The following GRPR variants were observed in gnomAD, a reference collection of about 807,000 sequenced individuals.
GRPR encodes gastrin-releasing peptide receptor.
In GRPR, 4 loss-of-function variants were observed where a neutral mutation model predicts 15.6. The observed-to-expected ratio is 0.26, with a 90% CI of 0.13 to 0.59. The LOEUF (loss-of-function observed/expected upper bound fraction) is 0.59. Among genes scored for constraint, GRPR ranks in the 20% least tolerant of loss-of-function variants. The probability of loss-of-function intolerance (pLI) is 0.90; values close to 1 mark genes in which losing one functional copy is unlikely to be tolerated. For missense variants in GRPR, 270 were observed against 304.1 expected, an observed-to-expected ratio of 0.89 and a Z score of 0.83; for synonymous variants, 128 against 126.8, an observed-to-expected ratio of 1.01 and a Z score of -0.06.
chrX:16,137,084 C>T, intron 1 of GRPR, among the ~76,000 whole-genome samples: 1 of 110,992 alleles, frequency 9.0e-6, no homozygotes, highest in Non-Finnish European at 1.9e-5. Flanking sequence ...GACCCCTTTC[C>T]AGTTAGCCAG....
intron 1 of GRPR, among the ~76,000 whole-genome samples, chrX:16,129,861 A>G (rs1304388343): frequency 2.7e-5 from 3 of 110,947 alleles, no homozygotes; most frequent in Non-Finnish European, 5.7e-5. Flanking sequence ...TCTCTCTTTT[A>G]TATCCCCCTG....
intron 1 of GRPR, among the ~76,000 whole-genome samples, chrX:16,132,682 T>C (rs1411821263): frequency 2.7e-5 from 3 of 111,453 alleles, no homozygotes; most frequent in African/African-American, 9.8e-5. Context: ...AGAAAAACTT[T>C]CTTTCAACTT....
intron 1 of GRPR, among the ~76,000 whole-genome samples, chrX:16,138,101 A>C: frequency 8.9e-6 from 1 of 111,741 alleles, no homozygotes; most frequent in Admixed American, 9.5e-5. Context: ...TATGCTTTGG[A>C]TTTGGATTTG....
chrX:16,141,370 G>A (rs1922528888), intron 1 of GRPR, among the ~76,000 whole-genome samples: 1 of 111,936 alleles, frequency 8.9e-6, no homozygotes, highest in African/African-American at 3.2e-5. Flanking sequence ...TTATCCCTAA[G>A]CTTCTACATC....
rs1222866298 is a variant in GRPR, at chrX:16,123,859, G to A, written c.-95G>A. 1.5e-5 allele frequency: 10 copies of A among 680,822 alleles called. No homozygotes were observed. Among genetic ancestry groups the A allele is most frequent in the South Asian group, 8.8e-5 (4 of 45,266 alleles). The allele number at this position is 680,822 out of a possible 1,213,427, so 56.1% of individuals were successfully genotyped here. On this transcript the variant is annotated 5_prime_UTR_variant, in exon 1 of 3. Coordinates refer to ENST00000380289, the MANE Select transcript of GRPR (RefSeq NM_005314.3). Reference sequence around the variant, plus strand: ...TTTTATTAAAGAAGGCAAAGAGCCCGGCATAGATCTTATCTTCATCTTCAC... The same window carrying A: ...TTTTATTAAAGAAGGCAAAGAGCCCAGCATAGATCTTATCTTCATCTTCAC...
Position 16,152,746 on chromosome X carries a change from G to C in GRPR, c.*101G>C, listed in dbSNP as rs1244393762. Reference sequence around the variant, plus strand: ...GTCTGTGCCCTCCAAAGAGCCTTCAGAATGCTCCTGAGTGGTGTAGGTGGG... The same window carrying C: ...GTCTGTGCCCTCCAAAGAGCCTTCACAATGCTCCTGAGTGGTGTAGGTGGG... On this transcript the variant is annotated 3_prime_UTR_variant, in exon 3 of 3. Transcript: ENST00000380289. The C allele has an allele frequency of 8.6e-6, 6 of 698,821 alleles. No homozygotes were observed. Among genetic ancestry groups the C allele is most frequent in the Admixed American group, 4.5e-5 (2 of 44,369 alleles). 57.6% of individuals were successfully genotyped at this position (698,821 alleles called of 1,213,427 possible).
Position 16,124,261 on chromosome X carries a change from C to A in GRPR, c.308C>A (p.Ala103Asp). The change falls in exon 1 of 3, where the codon GCT becomes GAT. Residue 103 changes from alanine to aspartate, a missense_variant. Around this residue, in one of 3 missense-constraint regions of GRPR, gnomAD observed 115 missense variants for 128.8 expected, o/e 0.89. Coordinates refer to ENST00000380289, the MANE Select transcript of GRPR (RefSeq NM_005314.3). ...CAPVDASRYL[A>D]DRWLFGRIGC... ...CCAGTGGATGCCAGCAGGTACCTGG[C>A]TGACAGATGGCTATTTGGCAGGATT... The A allele has an allele frequency of 8.3e-7, 1 of 1,208,772 alleles. No individual in the cohort carries two copies. Among genetic ancestry groups the A allele is most frequent in the East Asian group, 3.0e-5 (1 of 33,862 alleles).
intron 1 of GRPR, among the ~76,000 whole-genome samples, chrX:16,130,855 A>C (rs1297766752): frequency 5.3e-5 from 6 of 112,533 alleles, no homozygotes; most frequent in Middle Eastern, 4.6e-3. Context: ...CTCTGGAAGG[A>C]AACTCAACTC....
At chrX:16,138,923 TTTC>T (rs1322036168) in intron 1 of GRPR, among the ~76,000 whole-genome samples, 1 of 112,326 alleles carries the variant, frequency 8.9e-6, no homozygotes, top group Non-Finnish European at 1.9e-5. Flanking sequence ...TTTTGTTTGC[TTTC>T]TTTTGTTTTA....
intron 1 of GRPR, among the ~76,000 whole-genome samples, chrX:16,130,560 A>G (rs963533867): frequency 8.9e-6 from 1 of 111,945 alleles, no homozygotes; most frequent in Non-Finnish European, 1.9e-5. Flanking sequence ...TGCCAAAACT[A>G]CCCTTCTGAA....
rs1301839934 is a variant in GRPR, at chrX:16,124,172, C to T, written c.219C>T (p.Asn73=). ...TCTGTACAGTCAAGTCCATGCGAAA[C>T]GTTCCAAACCTGTTCATTTCCAGTC... The part of the protein sequence containing the change: ...KIFCTVKSMR[N]VPNLFISSLA... The change falls in exon 1 of 3, where the codon AAC becomes AAT. Residue 73 remains asparagine (N), a synonymous_variant. Transcript: ENST00000380289. The T allele has an allele frequency of 8.3e-7, 1 of 1,209,692 alleles. No individual in the cohort carries two copies. The highest frequency in any genetic ancestry group is 1.1e-6 in the Non-Finnish European group (1 of 893,627).
At chrX:16,152,135 C>A in intron 2 of GRPR, 121 bp from the exon 3 acceptor site, 3 of 625,990 alleles carry the variant, frequency 4.8e-6, no homozygotes, top group Admixed American at 4.5e-5. Flanking sequence ...GCTTTGTGAA[C>A]TCCTCTATTG....
intron 1 of GRPR, among the ~76,000 whole-genome samples, chrX:16,126,768 C>T (rs1922299905): frequency 8.9e-6 from 1 of 111,959 alleles, no homozygotes; most frequent in African/African-American, 3.3e-5. Context: ...ATACGTGTAA[C>T]AGTGTGGTTT....
chrX:16,152,969 G>C lies in GRPR; in HGVS notation c.*324G>C, dbSNP rs1922740570. On this transcript the variant is annotated 3_prime_UTR_variant, in exon 3 of 3. Transcript: ENST00000380289. ...CGTGGCCAATTATGTCATAGAAACT[G>C]TATGAACAACCAGATTTACATAGCA... The C allele has an allele frequency of 7.0e-6, 2 of 284,462 alleles. No homozygotes were observed. The highest frequency in any genetic ancestry group is 1.3e-5 in the Non-Finnish European group (2 of 159,709). 23.4% of individuals were successfully genotyped at this position (284,462 alleles called of 1,213,427 possible).
chrX:16,139,569 C>T (rs1402120404), intron 1 of GRPR, among the ~76,000 whole-genome samples: 1 of 111,391 alleles, frequency 9.0e-6, no homozygotes, highest in Non-Finnish European at 1.9e-5. Flanking sequence ...TTGGGCACCC[C>T]TGATTTAAAT....
chrX:16,141,099 G>A (rs1252483899), intron 1 of GRPR, among the ~76,000 whole-genome samples: 2 of 112,269 alleles, frequency 1.8e-5, no homozygotes, highest in Non-Finnish European at 3.8e-5. Context: ...AATGAACAAT[G>A]TGTGCCAGGA....
intron 1 of GRPR, among the ~76,000 whole-genome samples, chrX:16,146,464 C>T (rs1421715535): frequency 1.8e-5 from 2 of 111,537 alleles, no homozygotes; most frequent in Non-Finnish European, 3.8e-5. Context: ...TCATCTTCTG[C>T]ATGTTTAAAT....
intron 1 of GRPR, among the ~76,000 whole-genome samples, chrX:16,131,366 G>A (rs16980271): frequency 0.03 from 3,367 of 111,773 alleles, 132 homozygotes; most frequent in African/African-American, 0.1. Context: ...GAAGAAGTTC[G>A]TTTCACATAT....
At chrX:16,134,692 T>C (rs1211330224) in intron 1 of GRPR, among the ~76,000 whole-genome samples, 1 of 110,976 alleles carries the variant, frequency 9.0e-6, no homozygotes, top group Non-Finnish European at 1.9e-5. Flanking sequence ...TGGTGGGCCC[T>C]GGACTCTACT....
Sources: gnomAD v4.1 joint callset for allele counts (sites outside exome capture counted in the v4.1 genomes callset) on GRCh38, gnomAD v4.1.1 for gene constraint, gnomAD v4.1.1 regional missense constraint, MANE v1.5 for transcripts, NCBI Gene and HGNC (gene_info 2026-07-23, HGNC 2026-07-21) for gene names.